The following ENPP3 variants were observed in gnomAD, a reference collection of about 807,000 sequenced individuals.
ENPP3 encodes the protein ectonucleotide pyrophosphatase/phosphodiesterase family member 3.
A neutral mutation model predicts 117.8 loss-of-function variants in ENPP3; 104 were observed. The ratio of observed to expected loss-of-function variants is 0.88; its 90% confidence interval spans 0.75 to 1.04. The LOEUF (loss-of-function observed/expected upper bound fraction) is 1.04, where lower values mean the gene tolerates loss of function less well. Among genes scored for constraint, ENPP3 ranks in the 50% least tolerant of loss-of-function variants. The pLI, the probability that ENPP3 is intolerant of heterozygous loss-of-function variation, is 0.00. For missense variants in ENPP3, 1,026 were observed against 1,051.9 expected (o/e 0.98, Z 0.34); for synonymous variants, 380 against 349.9 (o/e 1.09, Z -0.96).
intron 21 of ENPP3, among the ~76,000 whole-genome samples, chr6:131,734,580 G>A (rs1286972531): frequency 6.6e-6 from 1 of 152,014 alleles, no homozygotes; most frequent in African/African-American, 2.4e-5. Context: ...CCAAATTTAT[G>A]TAAGCCCTGT....
rs181424133 is a variant in ENPP3 at position 131,740,158 on chromosome 6, A to G, written c.2301-66A>G. ...TGTATATGAAAAAAACTATGTAAAC[A>G]CACTTATCACCTTTAGAAACAAAAG... is the stretch of plus-strand genomic sequence containing the variant. On this transcript the variant is annotated intron_variant, in intron 23 of 24. Coordinates refer to ENST00000357639, the MANE Select transcript of ENPP3 (RefSeq NM_005021.5). The G allele has an allele frequency of 3.3e-5, 41 of 1,237,300 alleles. No individual in the cohort carries two copies. In the Admixed American group the frequency reaches 4.3e-4, roughly 13 times the overall value. The allele number at this position is 1,237,300 out of a possible 1,614,324, so 76.6% of individuals were successfully genotyped here. A position where few individuals can be genotyped will look rare whatever the true frequency, so the allele number is the denominator to read the frequency against.
chr6:131,722,101 A>T, intron 17 of ENPP3, 126 bp from the exon 18 acceptor site: 1 of 659,106 alleles, frequency 1.5e-6, no homozygotes, highest in South Asian at 1.9e-5. Flanking sequence ...TAGAGTACAT[A>T]GCTTCGTTAC....
chr6:131,680,002 G>A (rs1778989848), intron 11 of ENPP3, among the ~76,000 whole-genome samples: 3 of 152,144 alleles, frequency 2.0e-5, no homozygotes, highest in Non-Finnish European at 4.4e-5. Context: ...GCAGGTCCTT[G>A]CAGTCTAGAA....
At chr6:131,679,950 GAA>G (rs1443786916) in intron 11 of ENPP3, among the ~76,000 whole-genome samples, 2 of 152,188 alleles carry the variant, frequency 1.3e-5, no homozygotes, top group Non-Finnish European at 2.9e-5. Context: ...GGGCTAAGAG[GAA>G]GCCCAGAGAA....
Position 131,746,802 on chromosome 6 carries a change from C to T in ENPP3, c.2474C>T (p.Ala825Val), listed in dbSNP as rs1260446583. Residue 825 changes from alanine (A) to valine (V), a missense_variant, in exon 25 of 25, where the codon GCT becomes GTT. Ala to Val is a moderately conservative substitution (Grantham distance 64, BLOSUM62 0). Transcript: ENST00000357639. ...CTTTTTCAGGAAGGTAAACCAGAAGCTCTTTGGGTTGAAGAAAGATTTACA... is the reference window on the plus strand; with the variant it reads ...CTTTTTCAGGAAGGTAAACCAGAAGTTCTTTGGGTTGAAGAAAGATTTACA... ...VESCPEGKPE[A>V]LWVEERFTAH... is the part of the protein sequence containing the mutation. 1 of 1,605,088 alleles carries T rather than the reference C, an allele frequency of 6.2e-7. No individual in the cohort carries two copies. Among genetic ancestry groups the T allele is most frequent in the African/African-American group, 1.3e-5 (1 of 74,428 alleles).
intron 12 of ENPP3, among the ~76,000 whole-genome samples, chr6:131,684,569 C>T (rs533399308): frequency 6.6e-6 from 1 of 151,928 alleles, no homozygotes; most frequent in Non-Finnish European, 1.5e-5. Flanking sequence ...GCCCCAGCTA[C>T]TTGGGAGGCT....
At chr6:131,709,975 G>C in intron 15 of ENPP3, 1 of 1,599,302 alleles carries the variant, frequency 6.3e-7, no homozygotes, top group Middle Eastern at 2.3e-4. Flanking sequence ...CTCTTCCTTT[G>C]TTTTGTCCAC....
intron 20 of ENPP3, among the ~76,000 whole-genome samples, chr6:131,731,024 G>A (rs754657978): frequency 2.0e-4 from 30 of 151,722 alleles, no homozygotes; most frequent in Non-Finnish European, 4.1e-4. Flanking sequence ...AGTCACGTCT[G>A]CAACTTCATC....
At chr6:131,684,919 G>T (rs990001637) in intron 12 of ENPP3, among the ~76,000 whole-genome samples, 2 of 151,792 alleles carry the variant, frequency 1.3e-5, no homozygotes, top group African/African-American at 4.9e-5. Flanking sequence ...CGAGTAAATG[G>T]GACTATAGGG....
intron 14 of ENPP3, among the ~76,000 whole-genome samples, chr6:131,690,754 A>G (rs1466719752): frequency 6.6e-6 from 1 of 151,856 alleles, no homozygotes; most frequent in Non-Finnish European, 1.5e-5. Flanking sequence ...ATTTCTTTAC[A>G]GTGATGATCA....
chr6:131,737,675 A>G (rs1271744901), intron 22 of ENPP3, among the ~76,000 whole-genome samples: 1 of 152,132 alleles, frequency 6.6e-6, no homozygotes, highest in Non-Finnish European at 1.5e-5. Context: ...GATTACTGCC[A>G]CTCACTAAAA....
intron 11 of ENPP3, among the ~76,000 whole-genome samples, chr6:131,679,089 T>TTTCTTTCCTTC (rs1562447085): frequency 1.2e-5 from 1 of 80,536 alleles, no homozygotes; most frequent in African/African-American, 6.1e-5. Flanking sequence ...TTCTTTCTTT[T>TTTCTTTCCTTC]CTTCTTTCTT....
rs200924283 is a variant in ENPP3 at position 131,695,915 on chromosome 6, CA to C, written c.1412+2301del. On this transcript the variant is annotated intron_variant, in intron 15 of 24. Transcript: ENST00000357639. ...TGGGCAACAGAGCAAGACTCTGTCT[CA>C]AAAAAAAAAGAGAATCTAATCTGAT... 9.4e-3 allele frequency among the ~76,000 whole-genome samples: 1,371 copies of C among 145,904 alleles called. 57 individuals carry two copies. The East Asian group carries it at 0.12, about 13-fold the overall frequency.
intron 15 of ENPP3, among the ~76,000 whole-genome samples, chr6:131,718,441 A>G (rs900300163): frequency 3.3e-5 from 5 of 151,954 alleles, no homozygotes; most frequent in Non-Finnish European, 7.4e-5. Flanking sequence ...CTTCTCTCGT[A>G]CCCTTCTGTT....
At chr6:131,649,157 C>T (rs953850252) in intron 2 of ENPP3, among the ~76,000 whole-genome samples, 1 of 152,168 alleles carries the variant, frequency 6.6e-6, no homozygotes, top group Non-Finnish European at 1.5e-5. Flanking sequence ...TTCCTTCAGG[C>T]CCTTATCATT....
chr6:131,677,985 T>C (rs1277511585), intron 11 of ENPP3, 45 bp downstream of exon 11: 1 of 1,203,702 alleles, frequency 8.3e-7, no homozygotes, highest in Middle Eastern at 2.0e-4. Flanking sequence ...TGTAAAATCA[T>C]CTAACCCTAA....
At chr6:131,677,807 A>T in intron 10 of ENPP3, 61 bp from the exon 11 acceptor site, 1 of 1,110,112 alleles carries the variant, frequency 9.0e-7, no homozygotes, top group Non-Finnish European at 1.4e-6. Context: ...AAAATCCCCC[A>T]ATCCAGCCTG....
intron 6 of ENPP3, among the ~76,000 whole-genome samples, chr6:131,664,233 T>C (rs1778568495): frequency 6.6e-6 from 1 of 152,170 alleles, no homozygotes. Context: ...GACAGTGATG[T>C]TGATGATCTT....
intron 20 of ENPP3, among the ~76,000 whole-genome samples, chr6:131,727,508 T>C (rs1780180040): frequency 7.7e-6 from 1 of 129,308 alleles, no homozygotes; most frequent in Non-Finnish European, 1.5e-5. Context: ...TGAGCCAAGA[T>C]CGCGCCATTA....
Sources: gnomAD v4.1 joint callset for allele counts (sites outside exome capture counted in the v4.1 genomes callset) on GRCh38, gnomAD v4.1.1 for gene constraint, MANE v1.5 for transcripts, NCBI Gene and HGNC (gene_info 2026-07-23, HGNC 2026-07-21) for gene names.